CDH13: variants seen among roughly 807,000 people sequenced by gnomAD.
The protein encoded by CDH13 is cadherin-13.
In CDH13, 24 loss-of-function variants were observed where a neutral mutation model predicts 63.8. That is an observed-to-expected ratio of 0.38 (90% CI 0.27 to 0.53). The LOEUF is 0.53. CDH13 is among the 20% of genes least tolerant of loss of function. CDH13 has a pLI of 0.85. For synonymous variants in CDH13, 503 were observed against 355.3 expected (o/e 1.42, Z -4.67); for missense variants, 1,049 against 903.1 (o/e 1.16, Z -2.07).
intron 5 of CDH13, among the ~76,000 whole-genome samples, chr16:83,282,223 G>A (rs1040224018): frequency 1.3e-5 from 2 of 152,112 alleles, no homozygotes; most frequent in African/African-American, 4.8e-5. Context: ...TAACATCAAA[G>A]ATCACTGATC....
At chr16:83,212,713 G>C (rs1284589044) in intron 4 of CDH13, among the ~76,000 whole-genome samples, 1 of 152,180 alleles carries the variant, frequency 6.6e-6, no homozygotes, top group African/African-American at 2.4e-5. Context: ...CCAAAGCAGT[G>C]GTCTTCAAAC....
chr16:83,380,388 G>A (rs1028243341), intron 6 of CDH13, among the ~76,000 whole-genome samples: 26 of 152,086 alleles, frequency 1.7e-4, no homozygotes, highest in African/African-American at 6.0e-4. Flanking sequence ...GTTGCTGACT[G>A]TCAGCCCATT....
At chr16:83,541,476 C>G (rs987705640) in intron 7 of CDH13, among the ~76,000 whole-genome samples, 1 of 152,188 alleles carries the variant, frequency 6.6e-6, no homozygotes, top group African/African-American at 2.4e-5. Context: ...TGTTTGTTTT[C>G]ACTCTTGGCC....
intron 1 of CDH13, among the ~76,000 whole-genome samples, chr16:82,704,419 T>C (rs2031311312): frequency 1.3e-5 from 2 of 152,244 alleles, no homozygotes; most frequent in African/African-American, 4.8e-5. Context: ...GTTCTTCATT[T>C]ATTCATTCAT....
chr16:82,632,288 G>A (rs757012942), intron 1 of CDH13, among the ~76,000 whole-genome samples: 3 of 152,182 alleles, frequency 2.0e-5, no homozygotes, highest in Non-Finnish European at 4.4e-5. Flanking sequence ...TGATCAAATT[G>A]ATGCAGTTTA....
chr16:83,083,695 A>G (rs2033407095), intron 3 of CDH13, among the ~76,000 whole-genome samples: 1 of 152,236 alleles, frequency 6.6e-6, no homozygotes, highest in Non-Finnish European at 1.5e-5. Flanking sequence ...TGTCTTTTCA[A>G]TATGAGCCTC....
intron 1 of CDH13, among the ~76,000 whole-genome samples, chr16:82,751,630 C>A (rs2034419220): frequency 6.6e-6 from 1 of 151,430 alleles, no homozygotes; most frequent in Non-Finnish European, 1.5e-5. Flanking sequence ...TATTCCATGC[C>A]TGAGAGAGCA....
At chr16:82,868,403 A>G (rs1379426588) in intron 2 of CDH13, among the ~76,000 whole-genome samples, 4 of 152,222 alleles carry the variant, frequency 2.6e-5, no homozygotes, top group Non-Finnish European at 5.9e-5. Flanking sequence ...TCATAAATGC[A>G]TTATCCTACC....
chr16:83,786,439 G>A (rs563728687), intron 13 of CDH13, among the ~76,000 whole-genome samples: 7 of 152,318 alleles, frequency 4.6e-5, no homozygotes, highest in African/African-American at 1.4e-4. Flanking sequence ...ACTTGAGCTT[G>A]AGGAATAGGG....
At chr16:83,013,521 C>T (rs1420396815) in intron 2 of CDH13, among the ~76,000 whole-genome samples, 2 of 152,314 alleles carry the variant, frequency 1.3e-5, no homozygotes, top group African/African-American at 4.8e-5. Flanking sequence ...TCTGTACACA[C>T]CTCAAACCCC....
At chr16:83,232,214 T>TC (rs2040018005) in intron 5 of CDH13, among the ~76,000 whole-genome samples, 2 of 104,482 alleles carry the variant, frequency 1.9e-5, no homozygotes, top group East Asian at 3.3e-4. Context: ...GTTTTCTTTT[T>TC]TTTTTTTTTT....
chr16:82,897,849 C>A lies in CDH13; in HGVS notation c.157+39376C>A, dbSNP rs536032918. On this transcript the variant is annotated intron_variant, in intron 2 of 13. Transcript: ENST00000567109. ...TATCTTGATCATTTCTTTATTCATTCATTTATCATTGGCCATTTATTCATT... is the reference window on the plus strand; with the variant it reads ...TATCTTGATCATTTCTTTATTCATTAATTTATCATTGGCCATTTATTCATT... Among the ~76,000 whole-genome samples the A allele has an allele frequency of 3.3e-5, 5 of 152,312 alleles. No individual in the cohort carries two copies. The South Asian group carries it at 8.3e-4, about 25-fold the overall frequency.
intron 2 of CDH13, among the ~76,000 whole-genome samples, chr16:82,904,190 A>C (rs2041564098): frequency 6.6e-6 from 1 of 152,204 alleles, no homozygotes; most frequent in East Asian, 1.9e-4. Flanking sequence ...AAACACCTAA[A>C]TATAACTTGG....
chr16:83,018,251 C>T (rs553338891), intron 2 of CDH13, among the ~76,000 whole-genome samples: 8 of 152,262 alleles, frequency 5.3e-5, no homozygotes, highest in Admixed American at 1.3e-4. Context: ...GACCCTTCAA[C>T]ATGACAGCCC....
At chr16:83,342,276 C>A (rs1406025279) in intron 5 of CDH13, among the ~76,000 whole-genome samples, 1 of 152,190 alleles carries the variant, frequency 6.6e-6, no homozygotes, top group African/African-American at 2.4e-5. Context: ...TCATCTGTGA[C>A]TGAAATTATC....
At chr16:82,808,047 G>T (rs953462520) in intron 1 of CDH13, among the ~76,000 whole-genome samples, 3 of 152,138 alleles carry the variant, frequency 2.0e-5, no homozygotes, top group African/African-American at 7.2e-5. Flanking sequence ...GGCAAAATGG[G>T]GAGGAGAGAG....
In CDH13 at chr16:83,748,118, T is replaced by C; in HGVS notation, c.1549T>C (p.Tyr517His). The C allele has an allele frequency of 6.2e-7, 1 of 1,613,916 alleles. No homozygotes were observed. Among genetic ancestry groups the C allele is most frequent in the Non-Finnish European group, 8.5e-7 (1 of 1,179,848 alleles). ...LQHQTIRYSV[Y>H]KDPAGWLNIN... ...GGGGATTTTTTTCAGGTATTCTGTT[T>C]ACAAGGACCCAGCAGGTTGGCTGAA... Residue 517 changes from tyrosine to histidine, a missense_variant, in exon 11 of 14, where the codon TAC becomes CAC. Transcript: ENST00000567109.
At chr16:83,564,368 T>G (rs2075756187) in intron 7 of CDH13, among the ~76,000 whole-genome samples, 1 of 150,934 alleles carries the variant, frequency 6.6e-6, no homozygotes, top group African/African-American at 2.4e-5. Context: ...GAGGGGCTGC[T>G]TCTTGAAAAA....
rs1330847851 is a variant in CDH13 at position 82,627,126 on chromosome 16, C to T, written c.34C>T (p.Leu12Phe). Residue 12 changes from leucine (L) to phenylalanine (F), a missense_variant, in exon 1 of 14, where the codon CTC becomes TTC. Coordinates refer to ENST00000567109, the MANE Select transcript of CDH13 (RefSeq NM_001257.5). ...QPRTPLVLCV[L>F]LSQVLLLTSA... Reference sequence around the variant, plus strand: ...GAGAACTCCGCTCGTTCTGTGCGTTCTCCTGTCCCAGGTAGGGAAGAGGGG... The same window carrying T: ...GAGAACTCCGCTCGTTCTGTGCGTTTTCCTGTCCCAGGTAGGGAAGAGGGG... The T allele has an allele frequency of 1.9e-6, 3 of 1,607,222 alleles. No individual in the cohort carries two copies. In the South Asian group the frequency reaches 3.3e-5, roughly 18 times the overall value.
Sources: allele counts gnomAD v4.1 joint callset (sites outside exome capture counted in the v4.1 genomes callset), GRCh38; gene constraint gnomAD v4.1.1; transcripts MANE v1.5; gene names NCBI Gene and HGNC (gene_info 2026-07-23, HGNC 2026-07-21).